The following PLD5 variants were observed in gnomAD, a reference collection of about 807,000 sequenced individuals.
PLD5 encodes inactive phospholipase D5.
Under a neutral mutation model 61.1 loss-of-function variants are expected in PLD5, and 36 were observed. That is an observed-to-expected ratio of 0.59 (90% CI 0.45 to 0.78). The LOEUF (loss-of-function observed/expected upper bound fraction) is 0.78, where lower values mean the gene tolerates loss of function less well. PLD5 is among the 30% of genes least tolerant of loss of function. The probability of loss-of-function intolerance (pLI) is 0.00; values close to 1 mark genes in which losing one functional copy is unlikely to be tolerated. For missense variants in PLD5, 515 were observed against 644.4 expected (o/e 0.80, Z 2.17); for synonymous variants, 243 against 242.8 (o/e 1.00, Z -0.01).
intron 5 of PLD5, among the ~76,000 whole-genome samples, chr1:242,153,714 C>G (rs1380096814): frequency 6.6e-6 from 1 of 152,014 alleles, no homozygotes; most frequent in Non-Finnish European, 1.5e-5. Flanking sequence ...TGGTCTATAT[C>G]TCTGTTTTGG....
At chr1:242,361,570 A>G (rs1485069491) in intron 1 of PLD5, among the ~76,000 whole-genome samples, 1 of 151,574 alleles carries the variant, frequency 6.6e-6, no homozygotes, top group Non-Finnish European at 1.5e-5. Context: ...TTCACAAGAC[A>G]AAACAAAATT....
chr1:242,140,694 G>A (rs531107697), intron 5 of PLD5, among the ~76,000 whole-genome samples: 5 of 152,210 alleles, frequency 3.3e-5, no homozygotes, highest in Admixed American at 2.0e-4. Flanking sequence ...GCAAGGACCC[G>A]CCACCATGGG....
chr1:242,427,759 C>T lies in PLD5; in HGVS notation c.190-79517G>A, dbSNP rs549296393. On this transcript the variant is annotated intron_variant, in intron 1 of 9. Coordinates refer to ENST00000536534, the MANE Select transcript of PLD5 (RefSeq NM_001372062.1). Reference sequence around the variant, plus strand: ...CTGGCACCAACAGACAGCAGAGAGCCTTTGAAAGATGACTTTAACTGCCAC... The same window carrying T: ...CTGGCACCAACAGACAGCAGAGAGCTTTTGAAAGATGACTTTAACTGCCAC... Among the ~76,000 whole-genome samples the T allele has an allele frequency of 1.7e-3, 264 of 152,282 alleles. 5 individuals carry two copies. Among genetic ancestry groups the T allele is most frequent in the African/African-American group, 6.1e-3 (255 of 41,558 alleles).
chr1:242,129,431 G>GA (rs917490574), intron 5 of PLD5, among the ~76,000 whole-genome samples: 2 of 151,778 alleles, frequency 1.3e-5, no homozygotes, highest in Admixed American at 6.6e-5. Context: ...GTCGATGATG[G>GA]AAAAAAAACC....
chr1:242,346,444 GGAGA>G (rs1459542997), intron 2 of PLD5, among the ~76,000 whole-genome samples: 1 of 152,060 alleles, frequency 6.6e-6, no homozygotes, highest in African/African-American at 2.4e-5. Flanking sequence ...TTTAAGGTGA[GGAGA>G]GAGAGAAGCA....
intron 1 of PLD5, among the ~76,000 whole-genome samples, chr1:242,420,154 T>C (rs1291505381): frequency 2.0e-5 from 3 of 152,198 alleles, no homozygotes; most frequent in African/African-American, 7.2e-5. Context: ...AAATGGTTTA[T>C]GTACATGATC....
At chr1:242,390,030 ATT>A in intron 1 of PLD5, among the ~76,000 whole-genome samples, 1 of 146,614 alleles carries the variant, frequency 6.8e-6, no homozygotes, top group Non-Finnish European at 1.5e-5. Context: ...AATTATTATT[ATT>A]ATTATTGAGA....
rs1574454160 is a variant in PLD5 at position 242,175,134 on chromosome 1, C to A, written c.735+44854G>T. Reference sequence around the variant, plus strand: ...GCATCATCCTGATACCAAAACCAGGCAGAGACACAGCAAAAAAAGAAAATT... The same window carrying A: ...GCATCATCCTGATACCAAAACCAGGAAGAGACACAGCAAAAAAAGAAAATT... On this transcript the variant is annotated intron_variant, in intron 5 of 9. Transcript: ENST00000536534. Among the ~76,000 whole-genome samples, 4 of 152,232 alleles carry A rather than the reference C, an allele frequency of 2.6e-5. No individual in the cohort carries two copies. In the South Asian group the frequency reaches 8.3e-4, roughly 32 times the overall value.
At chr1:242,189,012 T>G (rs1303472716) in intron 5 of PLD5, among the ~76,000 whole-genome samples, 1 of 152,206 alleles carries the variant, frequency 6.6e-6, no homozygotes, top group Non-Finnish European at 1.5e-5. Context: ...GAGATACTGG[T>G]TAGATTGTCA....
At chr1:242,297,745 T>C (rs1014954654) in intron 2 of PLD5, among the ~76,000 whole-genome samples, 1 of 149,524 alleles carries the variant, frequency 6.7e-6, no homozygotes, top group African/African-American at 2.5e-5. Flanking sequence ...GTTCACGCCA[T>C]TCTCCTGCCT....
intron 3 of PLD5, among the ~76,000 whole-genome samples, chr1:242,274,563 G>A (rs1674302334): frequency 1.3e-5 from 2 of 152,096 alleles, no homozygotes; most frequent in Admixed American, 1.3e-4. Flanking sequence ...GACCATCCTG[G>A]CTAACACGGT....
At chr1:242,137,593 A>C (rs1353255189) in intron 5 of PLD5, among the ~76,000 whole-genome samples, 1 of 152,166 alleles carries the variant, frequency 6.6e-6, no homozygotes. Context: ...AATGTGTTGA[A>C]GATTTTCCAT....
At chr1:242,249,523 A>G (rs1224162141) in intron 4 of PLD5, among the ~76,000 whole-genome samples, 1 of 152,234 alleles carries the variant, frequency 6.6e-6, no homozygotes, top group Non-Finnish European at 1.5e-5. Flanking sequence ...GGGAGGGAGC[A>G]AAAAACAACC....
intron 5 of PLD5, among the ~76,000 whole-genome samples, chr1:242,138,627 A>G (rs1011875979): frequency 3.7e-4 from 56 of 152,368 alleles, no homozygotes; most frequent in African/African-American, 1.3e-3. Context: ...TATCAGCAAC[A>G]GTTAACAAAT....
At chr1:242,357,677 G>C (rs913717346) in intron 1 of PLD5, among the ~76,000 whole-genome samples, 6 of 152,138 alleles carry the variant, frequency 3.9e-5, no homozygotes, top group Middle Eastern at 3.4e-3. Flanking sequence ...AGTAGGGACA[G>C]GGTTTCACCA....
chr1:242,228,094 C>T (rs12239980), intron 4 of PLD5, among the ~76,000 whole-genome samples: 1,728 of 152,248 alleles, frequency 0.011, 31 homozygotes, highest in African/African-American at 0.04. Flanking sequence ...TTAACAATGG[C>T]GTGTTCACAT....
intron 2 of PLD5, among the ~76,000 whole-genome samples, chr1:242,302,719 T>TA (rs1219364801): frequency 6.6e-6 from 1 of 152,204 alleles, no homozygotes; most frequent in African/African-American, 2.4e-5. Context: ...ACTCTGCCTG[T>TA]AAAAAATTTT....
chr1:242,524,979 G>C (rs74517197), upstream of PLD5, among the ~76,000 whole-genome samples: 6,774 of 152,144 alleles, frequency 0.045, 547 homozygotes, highest in African/African-American at 0.16. Context: ...GGCTGAGCGC[G>C]GGGATGGCTC....
chr1:242,237,564 C>T (rs1161831939), intron 4 of PLD5, among the ~76,000 whole-genome samples: 1 of 152,194 alleles, frequency 6.6e-6, no homozygotes, highest in Admixed American at 6.5e-5. Context: ...TGGTGGGCCA[C>T]TGGTGTGGGT....
Sources: allele counts gnomAD v4.1 joint callset (sites outside exome capture counted in the v4.1 genomes callset), GRCh38; gene constraint gnomAD v4.1.1; transcripts MANE v1.5; gene names NCBI Gene and HGNC (gene_info 2026-07-23, HGNC 2026-07-21).